Variants in SSBP2 observed in about 807,000 individuals in gnomAD.
SSBP2 encodes the protein single-stranded DNA-binding protein 2.
Under a neutral mutation model 61.8 loss-of-function variants are expected in SSBP2, and 17 were observed. The ratio of observed to expected loss-of-function variants is 0.28; its 90% CI spans 0.19 to 0.41. The LOEUF (loss-of-function observed/expected upper bound fraction) is 0.41. Ranked by LOEUF, SSBP2 falls within the 10% of genes least tolerant of loss-of-function variation. The probability of loss-of-function intolerance (pLI) is 1.00; values close to 1 mark genes in which losing one functional copy is unlikely to be tolerated. For missense variants in SSBP2, 310 were observed against 458.7 expected, an observed-to-expected ratio of 0.68 and a Z score of 2.96; for synonymous variants, 139 against 141.3, an observed-to-expected ratio of 0.98 and a Z score of 0.12.
intron 4 of SSBP2, among the ~76,000 whole-genome samples, chr5:81,599,149 C>A (rs911336570): frequency 2.6e-5 from 4 of 152,136 alleles, no homozygotes; most frequent in African/African-American, 9.7e-5. Context: ...AACTGAGTCT[C>A]TGCCAGTGGG....
intron 1 of SSBP2, among the ~76,000 whole-genome samples, chr5:81,714,537 T>C (rs539973369): frequency 6.6e-6 from 1 of 152,348 alleles, no homozygotes; most frequent in East Asian, 1.9e-4. Flanking sequence ...AAAGTGTTCC[T>C]ATTTCTCCAC....
chr5:81,714,662 C>G (rs956399152), intron 1 of SSBP2, among the ~76,000 whole-genome samples: 2 of 152,128 alleles, frequency 1.3e-5, no homozygotes, highest in Non-Finnish European at 1.5e-5. Context: ...TGATGATGAG[C>G]TTTTTTTCAT....
chr5:81,460,971 G>A, intron 10 of SSBP2, 84 bp downstream of exon 10: 1 of 847,430 alleles, frequency 1.2e-6, no homozygotes. Context: ...CAATTGCAAA[G>A]CTTTCAAAAG....
At chr5:81,639,712 A>T (rs1159754286) in intron 2 of SSBP2, among the ~76,000 whole-genome samples, 1 of 152,148 alleles carries the variant, frequency 6.6e-6, no homozygotes, top group East Asian at 1.9e-4. Context: ...CAATCAGTAA[A>T]ATATGCCCAG....
chr5:81,518,475 T>C (rs1769209343), intron 4 of SSBP2, among the ~76,000 whole-genome samples: 1 of 152,128 alleles, frequency 6.6e-6, no homozygotes, highest in African/African-American at 2.4e-5. Context: ...GCTTTCCCTC[T>C]GCCATGTGAG....
At chr5:81,516,265 C>T (rs891231197) in intron 4 of SSBP2, among the ~76,000 whole-genome samples, 4 of 152,026 alleles carry the variant, frequency 2.6e-5, no homozygotes, top group Admixed American at 6.6e-5. Flanking sequence ...GTACCTATTC[C>T]TTCAAAGTGG....
At chr5:81,736,314 A>T (rs1393753830) in intron 1 of SSBP2, among the ~76,000 whole-genome samples, 1 of 152,236 alleles carries the variant, frequency 6.6e-6, no homozygotes. Flanking sequence ...TACCTTGCCC[A>T]CTGCCTTATA....
rs180822952 is a variant in SSBP2 at position 81,420,682 on chromosome 5, A to G, written c.1057-149T>C. The G allele has an allele frequency of 2.7e-4, 179 of 666,694 alleles. No homozygotes were observed. The African/African-American group carries it at 2.8e-3, about 11-fold the overall frequency. The allele number at this position is 666,694 out of a possible 1,614,324, so 41.3% of individuals were successfully genotyped here. On this transcript the variant is annotated intron_variant, in intron 16 of 16. Coordinates refer to ENST00000320672, the MANE Select transcript of SSBP2 (RefSeq NM_012446.5). ...CTCATACAACATAAAATAAGAAACT[A>G]TAAAAAAAGTAAAATGATACAGACT...
At chr5:81,715,561 A>G (rs1479419376) in intron 1 of SSBP2, among the ~76,000 whole-genome samples, 1 of 152,236 alleles carries the variant, frequency 6.6e-6, no homozygotes, top group Non-Finnish European at 1.5e-5. Flanking sequence ...AAACAAACCT[A>G]CCTTTTAACA....
chr5:81,715,907 A>G (rs1301797418), intron 1 of SSBP2, among the ~76,000 whole-genome samples: 1 of 152,054 alleles, frequency 6.6e-6, no homozygotes, highest in Non-Finnish European at 1.5e-5. Flanking sequence ...AAAATTTAAA[A>G]ATCAGCTGAG....
At chr5:81,454,711 T>C (rs9293274) in intron 10 of SSBP2, among the ~76,000 whole-genome samples, 19,654 of 148,286 alleles carry the variant, frequency 0.13, 2,817 homozygotes, top group African/African-American at 0.36. Context: ...TAAATAAAAA[T>C]AAAAAAGAGA....
chr5:81,483,965 T>C (rs915809225), intron 6 of SSBP2, among the ~76,000 whole-genome samples: 1 of 152,164 alleles, frequency 6.6e-6, no homozygotes, highest in Admixed American at 6.6e-5. Flanking sequence ...ATATGATAAA[T>C]GCAGGTATAA....
At chr5:81,650,964 T>A (rs1295182047) in intron 1 of SSBP2, among the ~76,000 whole-genome samples, 4 of 152,128 alleles carry the variant, frequency 2.6e-5, no homozygotes, top group East Asian at 3.9e-4. Flanking sequence ...GAGCTTACAG[T>A]TTAAAGGTTA....
intron 1 of SSBP2, among the ~76,000 whole-genome samples, chr5:81,711,301 A>G (rs1160449248): frequency 6.6e-6 from 1 of 152,144 alleles, no homozygotes. Flanking sequence ...CTGCTCAATA[A>G]GTTATCAATG....
rs370936169 is a variant in SSBP2, at chr5:81,471,826, GT to G, written c.570+1873del. Among the ~76,000 whole-genome samples the G allele has an allele frequency of 7.4e-3, 1,109 of 149,456 alleles. 16 individuals carry two copies. Among genetic ancestry groups the G allele is most frequent in the African/African-American group, 0.026 (1,045 of 40,920 alleles). On this transcript the variant is annotated intron_variant, in intron 8 of 16. Transcript: ENST00000320672. ...TTTCCTTGGAACTGTATTTATATGGGTTTTTTTTTTCCTATAATATGGCATC... is the reference window on the plus strand; with the variant it reads ...TTTCCTTGGAACTGTATTTATATGGGTTTTTTTTTCCTATAATATGGCATC...
At chr5:81,433,983 C>G (rs1762509903) in intron 15 of SSBP2, among the ~76,000 whole-genome samples, 1 of 152,154 alleles carries the variant, frequency 6.6e-6, no homozygotes, top group Admixed American at 6.5e-5. Flanking sequence ...CACTTCATAG[C>G]CCTTAACATA....
intron 5 of SSBP2, among the ~76,000 whole-genome samples, chr5:81,511,431 A>T (rs1561486164): frequency 6.6e-6 from 1 of 152,144 alleles, no homozygotes; most frequent in East Asian, 1.9e-4. Context: ...GCTCCTACTG[A>T]ATACTCAGGT....
chr5:81,525,992 TTG>T (rs1468340383), intron 4 of SSBP2, among the ~76,000 whole-genome samples: 1 of 152,056 alleles, frequency 6.6e-6, no homozygotes, highest in African/African-American at 2.4e-5. Flanking sequence ...TAATTTTAGT[TTG>T]TGTGTTGATT....
rs117993309 is a variant in SSBP2, at chr5:81,719,272, T to C, written c.62+31709A>G. ...CCATGAGCAGCTGCTCCAGGACTTA[T>C]AGCCACCACTGTTTGACCTTTCCCC... is the stretch of plus-strand genomic sequence containing the variant. On this transcript the variant is annotated intron_variant, in intron 1 of 16. Transcript: ENST00000320672. Among the ~76,000 whole-genome samples, 5 of 152,294 alleles carry C rather than the reference T, an allele frequency of 3.3e-5. No individual in the cohort carries two copies. In the East Asian group the frequency reaches 5.8e-4, roughly 18 times the overall value.
Sources: allele counts gnomAD v4.1 joint callset (sites outside exome capture counted in the v4.1 genomes callset), GRCh38; gene constraint gnomAD v4.1.1; transcripts MANE v1.5; gene names NCBI Gene and HGNC (gene_info 2026-07-23, HGNC 2026-07-21).